AGBL4: variants seen among roughly 807,000 people sequenced by gnomAD.
AGBL4 encodes cytosolic carboxypeptidase 6.
AGBL4 carries 58 observed loss-of-function variants against 66.4 expected under a neutral mutation model. The observed-to-expected ratio is 0.87, with a 90% confidence interval of 0.71 to 1.09. The LOEUF is 1.09. Ranked by LOEUF, AGBL4 falls within the 50% of genes least tolerant of loss-of-function variation. The pLI is 0.00. For missense variants in AGBL4, 579 were observed against 631.0 expected (o/e 0.92, Z 0.88); for synonymous variants, 234 against 222.9 (o/e 1.05, Z -0.44).
At chr1:48,956,133 G>T (rs1657428568) in intron 5 of AGBL4, among the ~76,000 whole-genome samples, 1 of 152,114 alleles carries the variant, frequency 6.6e-6, no homozygotes, top group Non-Finnish European at 1.5e-5. Context: ...CTTTCTGCTG[G>T]TAACAAACTG....
intron 5 of AGBL4, among the ~76,000 whole-genome samples, chr1:48,970,345 G>C (rs1204407007): frequency 1.3e-5 from 2 of 152,050 alleles, no homozygotes; most frequent in Non-Finnish European, 2.9e-5. Flanking sequence ...TTGCTCTTTG[G>C]CATTAATTAA....
chr1:48,797,316 C>T lies in AGBL4; in HGVS notation c.634+69875G>A, dbSNP rs534075600. ...GTGATTTCTGAGATTTTGGTGCACC[C>T]ACCACCTGGGAAGTGTACACTGTAC... On this transcript the variant is annotated intron_variant, in intron 6 of 13. Coordinates refer to ENST00000371839, the MANE Select transcript of AGBL4 (RefSeq NM_032785.4). 3.9e-5 allele frequency among the ~76,000 whole-genome samples: 6 copies of T among 152,254 alleles called. No individual in the cohort carries two copies. In the South Asian group the frequency reaches 1.2e-3, roughly 32 times the overall value.
intron 7 of AGBL4, among the ~76,000 whole-genome samples, chr1:48,654,385 A>G (rs755533425): frequency 3.3e-5 from 5 of 152,198 alleles, no homozygotes; most frequent in Non-Finnish European, 7.4e-5. Flanking sequence ...AGGGGGTGAG[A>G]AAACAAACAA....
intron 5 of AGBL4, among the ~76,000 whole-genome samples, chr1:48,949,143 G>A (rs1656759013): frequency 6.6e-6 from 1 of 152,196 alleles, no homozygotes; most frequent in Non-Finnish European, 1.5e-5. Flanking sequence ...AAATCAAAGA[G>A]AAGGTTTTAT....
rs373073188 is a variant in AGBL4 at position 50,002,392 on chromosome 1, C to T, written c.34+21371G>A. 2.4e-3 allele frequency among the ~76,000 whole-genome samples: 256 copies of T among 106,498 alleles called. 1 individual carries two copies. Among genetic ancestry groups the T allele is most frequent in the African/African-American group, 0.01 (242 of 23,480 alleles). 69.9% of individuals were successfully genotyped at this position (106,498 alleles called of 152,430 possible). The stretch of plus-strand genomic sequence containing the variant: ...TTTTTTTTTTTTTTTTTTTTTGAGA[C>T]GGAGTCTCGCTCTGTCGCCCAGGCT... On this transcript the variant is annotated intron_variant, in intron 1 of 13. Transcript: ENST00000371839.
chr1:49,493,223 C>T (rs1362648941), intron 3 of AGBL4, among the ~76,000 whole-genome samples: 1 of 151,942 alleles, frequency 6.6e-6, no homozygotes, highest in Non-Finnish European at 1.5e-5. Flanking sequence ...AGGCTTTATA[C>T]TAAGCACTTT....
At chr1:48,811,034 C>T (rs1646037416) in intron 6 of AGBL4, among the ~76,000 whole-genome samples, 1 of 152,132 alleles carries the variant, frequency 6.6e-6, no homozygotes, top group African/African-American at 2.4e-5. Context: ...TTTCCCCCAT[C>T]CCTGGTTCTC....
chr1:48,566,848 G>C (rs567942910), intron 11 of AGBL4, among the ~76,000 whole-genome samples: 1 of 152,342 alleles, frequency 6.6e-6, no homozygotes, highest in Non-Finnish European at 1.5e-5. Context: ...TTGCATGAAG[G>C]CTAGGTGTGG....
At chr1:49,369,347 T>C (rs1179074939) in intron 3 of AGBL4, among the ~76,000 whole-genome samples, 1 of 152,194 alleles carries the variant, frequency 6.6e-6, no homozygotes, top group African/African-American at 2.4e-5. Flanking sequence ...GAAGAGGAAA[T>C]TCTGCTTCTG....
intron 8 of AGBL4, among the ~76,000 whole-genome samples, chr1:48,646,315 T>G (rs1258814315): frequency 6.6e-6 from 1 of 152,212 alleles, no homozygotes; most frequent in Non-Finnish European, 1.5e-5. Context: ...AACAGGGCAA[T>G]ACTTGCTGTG....
chr1:48,816,148 CA>C (rs1452330244), intron 6 of AGBL4, among the ~76,000 whole-genome samples: 1 of 150,360 alleles, frequency 6.7e-6, no homozygotes, highest in East Asian at 2.0e-4. Flanking sequence ...GAGAGCTAGA[CA>C]GAGATGTCGC....
At chr1:49,783,837 T>C (rs1284612330) in intron 2 of AGBL4, among the ~76,000 whole-genome samples, 1 of 152,122 alleles carries the variant, frequency 6.6e-6, no homozygotes, top group Admixed American at 6.5e-5. Flanking sequence ...CAAAAAAATT[T>C]ATTGTATTTC....
intron 1 of AGBL4, among the ~76,000 whole-genome samples, chr1:49,963,024 T>G (rs779553872): frequency 6.6e-6 from 1 of 152,194 alleles, no homozygotes; most frequent in Non-Finnish European, 1.5e-5. Flanking sequence ...GGTTATCTTC[T>G]GGTTCCATCT....
chr1:49,857,769 A>T (rs1380657891), intron 1 of AGBL4, among the ~76,000 whole-genome samples: 1 of 152,080 alleles, frequency 6.6e-6, no homozygotes, highest in Non-Finnish European at 1.5e-5. Flanking sequence ...AAACTATAAA[A>T]CTATTAGAAG....
At chr1:49,464,596 T>C (rs1316926143) in intron 3 of AGBL4, among the ~76,000 whole-genome samples, 1 of 151,784 alleles carries the variant, frequency 6.6e-6, no homozygotes, top group Non-Finnish European at 1.5e-5. Flanking sequence ...GTGTGTTCTT[T>C]TGTTTTTAGA....
At chr1:49,871,878 T>C (rs1646846447) in intron 1 of AGBL4, among the ~76,000 whole-genome samples, 1 of 152,090 alleles carries the variant, frequency 6.6e-6, no homozygotes, top group South Asian at 2.1e-4. Flanking sequence ...ATTGTTTTAC[T>C]TTGATCCTTG....
intron 3 of AGBL4, among the ~76,000 whole-genome samples, chr1:49,368,020 G>T (rs1644273116): frequency 6.6e-6 from 1 of 152,170 alleles, no homozygotes; most frequent in Admixed American, 6.5e-5. Context: ...TCATAAATAT[G>T]TAGTCTTTTG....
At chr1:49,388,487 G>T (rs1644782354) in intron 3 of AGBL4, among the ~76,000 whole-genome samples, 1 of 152,082 alleles carries the variant, frequency 6.6e-6, no homozygotes, top group South Asian at 2.1e-4. Flanking sequence ...CATGCTATTT[G>T]TACATCCATC....
At position 49,157,979 on chromosome 1, in the gene AGBL4, A is replaced by G. The variant is rs372739596; in HGVS notation, c.377+87791T>C. ...AAGTTCTTTGTAGATTCTGGATATT[A>G]GCCCTTTGTCAGATGGATAGATTGC... is the stretch of plus-strand genomic sequence containing the variant. On this transcript the variant is annotated intron_variant, in intron 4 of 13. Transcript: ENST00000371839. Among the ~76,000 whole-genome samples the G allele has an allele frequency of 3.1e-4, 47 of 152,204 alleles. 1 individual carries two copies. In the South Asian group the frequency reaches 9.1e-3, roughly 30 times the overall value.
Sources: gnomAD v4.1 joint callset for allele counts (sites outside exome capture counted in the v4.1 genomes callset) on GRCh38, gnomAD v4.1.1 for gene constraint, MANE v1.5 for transcripts, NCBI Gene and HGNC (gene_info 2026-07-23, HGNC 2026-07-21) for gene names.